The following MNAT1 variants were observed in gnomAD, a reference collection of about 807,000 sequenced individuals.
MNAT1 encodes CDK-activating kinase assembly factor MAT1.
A neutral mutation model predicts 42.0 loss-of-function variants in MNAT1; 43 were observed. The ratio of observed to expected loss-of-function variants is 1.02; its 90% confidence interval spans 0.80 to 1.32. The LOEUF is 1.32. MNAT1 is among the 40% of genes most tolerant of loss of function. MNAT1 has a pLI of 0.00. For synonymous variants in MNAT1, 118 were observed against 120.0 expected (o/e 0.98, Z 0.11); for missense variants, 306 against 350.4 (o/e 0.87, Z 1.01).
At chr14:60,795,182 A>G (rs550926229) in intron 1 of MNAT1, among the ~76,000 whole-genome samples, 1 of 152,314 alleles carries the variant, frequency 6.6e-6, no homozygotes, top group South Asian at 2.1e-4. Context: ...AAATCAAGCC[A>G]CATCCTTGGC....
At chr14:60,940,666 C>T (rs1300995327) in intron 7 of MNAT1, among the ~76,000 whole-genome samples, 1 of 152,166 alleles carries the variant, frequency 6.6e-6, no homozygotes, top group African/African-American at 2.4e-5. Context: ...ATCTGCCCGC[C>T]TTGGTCCCCC....
At chr14:60,762,815 C>T (rs953515141) in intron 1 of MNAT1, among the ~76,000 whole-genome samples, 9 of 150,732 alleles carry the variant, frequency 6.0e-5, no homozygotes, top group African/African-American at 2.2e-4. Flanking sequence ...ATATGCTAAA[C>T]CAAAAACTAA....
At chr14:60,915,203 A>G (rs1305932574) in intron 7 of MNAT1, among the ~76,000 whole-genome samples, 2 of 152,184 alleles carry the variant, frequency 1.3e-5, no homozygotes, top group Non-Finnish European at 2.9e-5. Context: ...AAATAACATC[A>G]TCATACTGCA....
At chr14:60,941,860 C>T (rs578261263) in intron 7 of MNAT1, among the ~76,000 whole-genome samples, 273 of 151,136 alleles carry the variant, frequency 1.8e-3, no homozygotes, top group Non-Finnish European at 3.6e-3. Flanking sequence ...AAAAATTAGC[C>T]GGGCGTAATG....
chr14:60,898,892 C>T (rs550611925), intron 7 of MNAT1, among the ~76,000 whole-genome samples: 3 of 152,150 alleles, frequency 2.0e-5, no homozygotes, highest in East Asian at 1.9e-4. Context: ...ATCATCTGGT[C>T]ATACATTTAA....
intron 7 of MNAT1, among the ~76,000 whole-genome samples, chr14:60,939,226 A>G (rs1268019218): frequency 6.6e-5 from 10 of 151,980 alleles, no homozygotes; most frequent in African/African-American, 1.9e-4. Context: ...TTGTGTGTCT[A>G]TCTCCTTCAG....
chr14:60,876,891 T>C (rs2034447050), intron 6 of MNAT1, among the ~76,000 whole-genome samples: 1 of 152,082 alleles, frequency 6.6e-6, no homozygotes, highest in Non-Finnish European at 1.5e-5. Context: ...GCTGTAAATA[T>C]GCATTGGTGT....
At chr14:60,948,647 A>T (rs2036326859) in intron 7 of MNAT1, among the ~76,000 whole-genome samples, 1 of 152,142 alleles carries the variant, frequency 6.6e-6, no homozygotes, top group Non-Finnish European at 1.5e-5. Context: ...CAGTTCTCTT[A>T]TCATTAAAAA....
intron 7 of MNAT1, among the ~76,000 whole-genome samples, chr14:60,964,938 A>T (rs908139209): frequency 1.7e-4 from 26 of 152,242 alleles, no homozygotes; most frequent in Non-Finnish European, 4.4e-5. Flanking sequence ...TAAGATACTT[A>T]AAAAATAAAA....
intron 7 of MNAT1, among the ~76,000 whole-genome samples, chr14:60,882,729 C>G (rs1337027308): frequency 6.6e-6 from 1 of 152,106 alleles, no homozygotes; most frequent in African/African-American, 2.4e-5. Flanking sequence ...TTTTCCACAT[C>G]CTCTCCAGTA....
chr14:60,947,080 C>T (rs971990687), intron 7 of MNAT1, among the ~76,000 whole-genome samples: 1 of 152,062 alleles, frequency 6.6e-6, no homozygotes, highest in Non-Finnish European at 1.5e-5. Flanking sequence ...TCACAAAGAC[C>T]CCATTTCCAA....
chr14:60,833,485 G>T (rs1400767819), intron 6 of MNAT1, among the ~76,000 whole-genome samples: 1 of 152,160 alleles, frequency 6.6e-6, no homozygotes, highest in Non-Finnish European at 1.5e-5. Context: ...TATGTTTTTT[G>T]ATTTGCATAT....
intron 1 of MNAT1, among the ~76,000 whole-genome samples, chr14:60,747,569 T>C (rs550156331): frequency 6.6e-6 from 1 of 152,354 alleles, no homozygotes; most frequent in East Asian, 1.9e-4. Context: ...TACGCCTATA[T>C]AGGGCAGTTA....
Position 60,946,626 on chromosome 14 carries a change from T to G in MNAT1, c.810-21603T>G, listed in dbSNP as rs574792502. Among the ~76,000 whole-genome samples, 12 of 152,328 alleles carry G rather than the reference T, an allele frequency of 7.9e-5. No homozygotes were observed. The South Asian group carries it at 2.3e-3, about 29-fold the overall frequency. On this transcript the variant is annotated intron_variant, in intron 7 of 7. Transcript: ENST00000261245. Reference sequence around the variant, plus strand: ...TGTGTGAAGTCATTCCTTGACCTTTTGTTCTCATTCACTATCACTAATTGA... The same window carrying G: ...TGTGTGAAGTCATTCCTTGACCTTTGGTTCTCATTCACTATCACTAATTGA...
At chr14:60,871,946 A>C (rs1489434917) in intron 6 of MNAT1, among the ~76,000 whole-genome samples, 2 of 152,156 alleles carry the variant, frequency 1.3e-5, no homozygotes, top group Admixed American at 1.3e-4. Flanking sequence ...TATAGGTAGT[A>C]TTCTGAATTT....
At chr14:60,897,377 T>G (rs563555026) in intron 7 of MNAT1, among the ~76,000 whole-genome samples, 1 of 152,146 alleles carries the variant, frequency 6.6e-6, no homozygotes, top group Non-Finnish European at 1.5e-5. Flanking sequence ...TTTAAATTTC[T>G]GTGTAAAATA....
intron 6 of MNAT1, among the ~76,000 whole-genome samples, chr14:60,820,749 A>G (rs919275879): frequency 3.9e-5 from 6 of 152,128 alleles, no homozygotes; most frequent in African/African-American, 9.7e-5. Context: ...AATCTAGTCT[A>G]TAAGCCTTTG....
At chr14:60,749,143 G>A (rs2029961037) in intron 1 of MNAT1, among the ~76,000 whole-genome samples, 1 of 152,142 alleles carries the variant, frequency 6.6e-6, no homozygotes, top group Non-Finnish European at 1.5e-5. Flanking sequence ...TTTGAATTTT[G>A]GAGGAAATCT....
At position 60,767,573 on chromosome 14, in the gene MNAT1, G is replaced by GT. The variant is rs946710206; in HGVS notation, c.90-28634dup. 2.2e-3 allele frequency among the ~76,000 whole-genome samples: 321 copies of GT among 148,614 alleles called. 2 individuals carry two copies. Among genetic ancestry groups the GT allele is most frequent in the African/African-American group, 6.4e-3 (259 of 40,652 alleles). On this transcript the variant is annotated intron_variant, in intron 1 of 7. Transcript: ENST00000261245. Reference sequence around the variant, plus strand: ...TGATCTTGGAGGCAAGAACAGTTCAGTTTTTTTTTTAATTTAAATTTAAAT... The same window carrying GT: ...TGATCTTGGAGGCAAGAACAGTTCAGTTTTTTTTTTTAATTTAAATTTAAAT...
Sources: allele counts gnomAD v4.1 joint callset (sites outside exome capture counted in the v4.1 genomes callset), GRCh38; gene constraint gnomAD v4.1.1; transcripts MANE v1.5; gene names NCBI Gene and HGNC (gene_info 2026-07-23, HGNC 2026-07-21).